RHOT1: variants seen among roughly 807,000 people sequenced by gnomAD.
The protein encoded by RHOT1 is mitochondrial Rho GTPase 1.
Under a neutral mutation model 95.3 loss-of-function variants are expected in RHOT1, and 27 were observed. That is an observed-to-expected ratio of 0.28 (90% CI 0.21 to 0.39). The LOEUF (loss-of-function observed/expected upper bound fraction) is 0.39, where lower values mean the gene tolerates loss of function less well. Among genes scored for constraint, RHOT1 ranks in the 10% least tolerant of loss-of-function variants. The pLI, the probability that RHOT1 is intolerant of heterozygous loss-of-function variation, is 1.00. For missense variants in RHOT1, 578 were observed against 786.7 expected, an observed-to-expected ratio of 0.73 and a Z score of 3.17; for synonymous variants, 227 against 263.5, an observed-to-expected ratio of 0.86 and a Z score of 1.34.
At chr17:32,203,737 A>G (rs1182760428) in intron 15 of RHOT1, 153 bp from the exon 16 acceptor site, 2 of 580,934 alleles carry the variant, frequency 3.4e-6, no homozygotes, top group African/African-American at 3.9e-5. Context: ...TAAGAAACAT[A>G]AAATCAATAT....
intron 3 of RHOT1, among the ~76,000 whole-genome samples, chr17:32,174,230 A>G (rs1205691581): frequency 2.0e-5 from 3 of 152,240 alleles, no homozygotes; most frequent in Non-Finnish European, 2.9e-5. Context: ...TTGAAGACTT[A>G]GTATGAAAAA....
At chr17:32,197,602 G>A (rs960578317) in intron 11 of RHOT1, among the ~76,000 whole-genome samples, 1 of 151,434 alleles carries the variant, frequency 6.6e-6, no homozygotes, top group East Asian at 2.0e-4. Context: ...ATTTTTTTTT[G>A]TATTTTTAGT....
At chr17:32,148,712 T>A (rs1283160566) in intron 1 of RHOT1, among the ~76,000 whole-genome samples, 1 of 152,224 alleles carries the variant, frequency 6.6e-6, no homozygotes, top group Non-Finnish European at 1.5e-5. Context: ...CAACAACGCT[T>A]CTTACTAAAG....
chr17:32,192,209 A>T lies in RHOT1; in HGVS notation c.549A>T (p.Pro183=). The change falls in exon 9 of 20, where the codon CCA becomes CCT. Residue 183 remains proline, a synonymous_variant. Transcript: ENST00000545287. ...LYCPEEKEMK[P]ACIKALTRIF... Reference sequence around the variant, plus strand: ...TTCTCAATGATTTATAGATGAAACCAGCTTGTATAAAAGCCCTTACTCGTA... The same window carrying T: ...TTCTCAATGATTTATAGATGAAACCTGCTTGTATAAAAGCCCTTACTCGTA... 6.8e-7 allele frequency: 1 copy of T among 1,465,268 alleles called. No individual in the cohort carries two copies. The highest frequency in any genetic ancestry group is 9.4e-7 in the Non-Finnish European group (1 of 1,068,664). The allele number at this position is 1,465,268 out of a possible 1,614,324, so 90.8% of individuals were successfully genotyped here. A position where few individuals can be genotyped will look rare whatever the true frequency, so the allele number is the denominator to read the frequency against.
chr17:32,209,656 G>T, intron 18 of RHOT1: 1 of 407,184 alleles, frequency 2.5e-6, no homozygotes, highest in Non-Finnish European at 4.5e-6. Context: ...CTGCAAGTGT[G>T]TTTTTACATC....
At chr17:32,179,634 G>GCCA (rs2035412266) in intron 6 of RHOT1, 1 of 138,156 alleles carries the variant, frequency 7.2e-6, no homozygotes. Flanking sequence ...CTGCCCGGCT[G>GCCA]CCCCGTCTGG....
Position 32,200,894 on chromosome 17 carries a change from T to C in RHOT1, c.1101-62T>C, listed in dbSNP as rs576849254. ...CATAAAGTTTTTTTAGCTATTGGCT[T>C]TTTTTTCCCCATAAATATTCGTTTA... On this transcript the variant is annotated intron_variant, in intron 13 of 19. Coordinates refer to ENST00000545287, the MANE Select transcript of RHOT1 (RefSeq NM_001033566.3). 3.9e-5 allele frequency: 51 copies of C among 1,293,428 alleles called. 1 individual carries two copies. The highest frequency in any genetic ancestry group is 5.4e-5 in the Non-Finnish European group (49 of 901,188). 80.1% of individuals were successfully genotyped at this position (1,293,428 alleles called of 1,614,324 possible).
intron 13 of RHOT1, among the ~76,000 whole-genome samples, chr17:32,199,943 CTTT>C (rs71362808): frequency 2.3e-5 from 3 of 128,728 alleles, no homozygotes; most frequent in African/African-American, 2.9e-5. Context: ...TTAATGAACT[CTTT>C]TTTTTTTTTT....
In RHOT1 at chr17:32,219,832, C is replaced by T. The variant is rs2038716060; in HGVS notation, c.1863-4784C>T. ...AATGATTAGTTAGGGTTATATTCAA[C>T]ATTTAGTCATTATTTCTAATGTTCT... On this transcript the variant is annotated intron_variant, in intron 19 of 19. Coordinates refer to ENST00000545287, the MANE Select transcript of RHOT1 (RefSeq NM_001033566.3). 2.0e-5 allele frequency among the ~76,000 whole-genome samples: 3 copies of T among 152,188 alleles called. No homozygotes were observed. In the South Asian group the frequency reaches 6.2e-4, roughly 31 times the overall value.
chr17:32,202,301 G>C (rs1413708808), intron 14 of RHOT1, among the ~76,000 whole-genome samples: 1 of 152,262 alleles, frequency 6.6e-6, no homozygotes, highest in Non-Finnish European at 1.5e-5. Flanking sequence ...GTTTACATTT[G>C]AAAGGACGGC....
Position 32,142,559 on chromosome 17 carries a change from A to G in RHOT1, c.-134A>G. 1 of 638,466 alleles carries G rather than the reference A, an allele frequency of 1.6e-6. No individual in the cohort carries two copies. The highest frequency in any genetic ancestry group is 3.5e-5 in the East Asian group (1 of 28,698). 39.6% of individuals were successfully genotyped at this position (638,466 alleles called of 1,614,324 possible). On this transcript the variant is annotated 5_prime_UTR_variant, in exon 1 of 20. Transcript: ENST00000545287. ...CGCTGTCCCGGCTCTCTTGCGGGGA[A>G]GCAACTGAGGGGGCGGCGCGGCGGG...
chr17:32,149,635 A>ATATGTGTGTGTGTGTG (rs1445281403), intron 1 of RHOT1, among the ~76,000 whole-genome samples: 36 of 59,034 alleles, frequency 6.1e-4, no homozygotes, highest in South Asian at 1.7e-3. Context: ...ATATATATAT[A>ATATGTGTGTGTGTGTG]TGTGTGTGTG....
At chr17:32,172,662 A>C (rs897983857) in intron 2 of RHOT1, among the ~76,000 whole-genome samples, 2 of 152,156 alleles carry the variant, frequency 1.3e-5, no homozygotes, top group Admixed American at 6.5e-5. Flanking sequence ...GTGAAACCCC[A>C]TCTCTAGTAA....
intron 6 of RHOT1, among the ~76,000 whole-genome samples, chr17:32,177,614 G>A (rs1021282273): frequency 6.6e-6 from 1 of 151,696 alleles, no homozygotes; most frequent in African/African-American, 2.4e-5. Context: ...AATTAGCTGG[G>A]TGTGGTGGGA....
chr17:32,173,649 G>A (rs556861241), intron 2 of RHOT1, among the ~76,000 whole-genome samples, 182 bp from the exon 3 acceptor site: 5 of 151,630 alleles, frequency 3.3e-5, no homozygotes, highest in Non-Finnish European at 4.4e-5. Context: ...GGCAGCAGAG[G>A]TTGCAGTGAG....
At chr17:32,149,636 T>TGTGTGTGA (rs1491476205) in intron 1 of RHOT1, among the ~76,000 whole-genome samples, 1 of 69,284 alleles carries the variant, frequency 1.4e-5, no homozygotes, top group Non-Finnish European at 3.1e-5. Flanking sequence ...TATATATATA[T>TGTGTGTGA]GTGTGTGTGT....
At chr17:32,178,461 G>A (rs1400889000) in intron 6 of RHOT1, among the ~76,000 whole-genome samples, 1 of 152,098 alleles carries the variant, frequency 6.6e-6, no homozygotes, top group Non-Finnish European at 1.5e-5. Context: ...CGAGGTGCTG[G>A]GATTGCAGAC....
At chr17:32,216,674 T>C (rs553461714) in intron 19 of RHOT1, among the ~76,000 whole-genome samples, 2 of 152,272 alleles carry the variant, frequency 1.3e-5, no homozygotes, top group South Asian at 4.1e-4. Flanking sequence ...GTTCTTCCTT[T>C]ATGTAGTTTG....
At chr17:32,204,666 G>A (rs1318686976) in intron 16 of RHOT1, among the ~76,000 whole-genome samples, 1 of 150,878 alleles carries the variant, frequency 6.6e-6, no homozygotes, top group African/African-American at 2.4e-5. Flanking sequence ...ACACTTAATT[G>A]TATGTTAGCT....
Sources: gnomAD v4.1 joint callset for allele counts (sites outside exome capture counted in the v4.1 genomes callset) on GRCh38, gnomAD v4.1.1 for gene constraint, MANE v1.5 for transcripts, NCBI Gene and HGNC (gene_info 2026-07-23, HGNC 2026-07-21) for gene names.